The following MYH1 variants were observed in gnomAD, a reference collection of about 807,000 sequenced individuals.
MYH1 encodes myosin-1.
In MYH1, 214 loss-of-function variants were observed where a neutral mutation model predicts 225.6. That is an observed-to-expected ratio of 0.95 (90% CI 0.85 to 1.06). The LOEUF (loss-of-function observed/expected upper bound fraction) is 1.06, where lower values mean the gene tolerates loss of function less well. MYH1 is among the 50% of genes least tolerant of loss of function. MYH1 has a pLI of 0.00. For missense variants in MYH1, 2,098 were observed against 2,344.2 expected (o/e 0.89, Z 2.17); for synonymous variants, 774 against 842.3 (o/e 0.92, Z 1.40).
In MYH1 at chr17:10,501,099, GTTGA is replaced by G; in HGVS notation, c.3738+7_3738+10del. On this transcript the variant is annotated splice_region_variant and intron_variant, in intron 27 of 39. Transcript: ENST00000226207. Reference sequence around the variant, plus strand: ...AAAAACCAAATAATCAATGTGAAGTGTTGATTGTACCTTGGCTTTGGAGACAGTC... The same window carrying G: ...AAAAACCAAATAATCAATGTGAAGTGTTGTACCTTGGCTTTGGAGACAGTC... 6.2e-7 allele frequency: 1 copy of G among 1,612,432 alleles called. No homozygotes were observed. Among genetic ancestry groups the G allele is most frequent in the Non-Finnish European group, 8.5e-7 (1 of 1,178,596 alleles).
rs73974725 is a variant in MYH1 at position 10,505,924 on chromosome 17, T to C, written c.2062A>G (p.Met688Val). ...IPNETKTPGA[M>V]EHELVLHQLR... ...TGATGCAGGACAAGCTCATGCTCCA[T>C]GGCACCTAAAAGAATGAATCCACAT... The change falls in exon 19 of 40, where the codon ATG becomes GTG. Residue 688 changes from methionine (M) to valine (V), a missense_variant. Physicochemically the swap from Met to Val is conservative, Grantham distance 21. Coordinates refer to ENST00000226207, the MANE Select transcript of MYH1 (RefSeq NM_005963.4). 53,605 of 1,614,158 alleles carry C rather than the reference T, an allele frequency of 0.033. 1,004 individuals carry two copies. Among genetic ancestry groups the C allele is most frequent in the Non-Finnish European group, 0.038 (44,596 of 1,180,000 alleles).
rs141867810 is a variant in MYH1, at chr17:10,495,101, C to A, written c.5296G>T (p.Ala1766Ser). The A allele has an allele frequency of 1.9e-5, 30 of 1,614,174 alleles. No homozygotes were observed. The highest frequency in any genetic ancestry group is 1.6e-4 in the African/African-American group (12 of 75,034). Reference protein sequence around the residue: ...EEKAKKAITDAAMMAEELKKE... With the variant: ...EEKAKKAITDSAMMAEELKKE... The stretch of plus-strand genomic sequence containing the variant: ...TTCAGCTCCTCAGCCATCATGGCAG[C>A]CTAATTAGCAGTAAAACAGAATGGG... Residue 1766 changes from alanine (A) to serine (S), a missense_variant and splice_region_variant, in exon 37 of 40, where the codon GCT becomes TCT. Physicochemically the swap from Ala to Ser is moderately conservative, Grantham distance 99. Coordinates refer to ENST00000226207, the MANE Select transcript of MYH1 (RefSeq NM_005963.4).
intron 36 of MYH1, 28 bp downstream of exon 36, chr17:10,495,164 G>T: frequency 6.2e-7 from 1 of 1,614,168 alleles, no homozygotes; most frequent in Non-Finnish European, 8.5e-7. Flanking sequence ...ATTTAAGTTT[G>T]ACCACCACTG....
rs756887132 is a variant in MYH1, at chr17:10,511,921, C to T, written c.1334G>A (p.Arg445His). Residue 445 changes from arginine to histidine, a missense_variant, in exon 14 of 40, where the codon CGC becomes CAC. Coordinates refer to ENST00000226207, the MANE Select transcript of MYH1 (RefSeq NM_005963.4). The stretch of plus-strand genomic sequence containing the variant: ...CTTGGTGTCCAGCTGCTGGTTGATG[C>T]GGGTGACCATCCACAAGAACATCTT... ...YDKMFLWMVT[R>H]INQQLDTKQP... 13 of 1,614,044 alleles carry T rather than the reference C, an allele frequency of 8.1e-6. No individual in the cohort carries two copies. The highest frequency in any genetic ancestry group is 3.3e-5 in the South Asian group (3 of 91,086).
chr17:10,510,508 A>G (rs113297296), intron 14 of MYH1, among the ~76,000 whole-genome samples: 1 of 152,198 alleles, frequency 6.6e-6, no homozygotes. Flanking sequence ...TTGATGCCAG[A>G]GCCAGTGTTT....
At chr17:10,503,824 T>C (rs1374358347) in intron 22 of MYH1, among the ~76,000 whole-genome samples, 1 of 152,230 alleles carries the variant, frequency 6.6e-6, no homozygotes, top group Middle Eastern at 3.2e-3. Context: ...TATTAGTGGA[T>C]AGTTGATAGA....
In MYH1 at chr17:10,497,277, A is replaced by G. The variant is rs1841000138; in HGVS notation, c.4531+10T>C. 6.3e-7 allele frequency: 1 copy of G among 1,595,308 alleles called. No individual in the cohort carries two copies. The highest frequency in any genetic ancestry group is 1.4e-5 in the African/African-American group (1 of 73,458). On this transcript the variant is annotated intron_variant, in intron 32 of 39. Transcript: ENST00000226207. ...CTTTTATTGTTAAAGAAAAGGTAAA[A>G]TGTTCTCACGTTGCAAATTCTTATT...
Position 10,497,778 on chromosome 17 carries a change from C to A in MYH1, c.4321G>T (p.Ala1441Ser), listed in dbSNP as rs781431071. ...TTTTTGTCCAGGGCGGCACAGGCAG[C>A]ATTTGTCCTCTCAACATCAATCATG... The part of the protein sequence containing the change: ...DLMIDVERTN[A>S]ACAALDKKQR... Residue 1441 changes from alanine to serine, a missense_variant, in exon 31 of 40, where the codon GCT becomes TCT. By Grantham distance (99) the Ala-to-Ser change is moderately conservative. Coordinates refer to ENST00000226207, the MANE Select transcript of MYH1 (RefSeq NM_005963.4). 22 of 1,614,030 alleles carry A rather than the reference C, an allele frequency of 1.4e-5. No individual in the cohort carries two copies. Among genetic ancestry groups the A allele is most frequent in the African/African-American group, 2.7e-5 (2 of 74,926 alleles).
At chr17:10,493,860 A>G (rs1273632173) in intron 39 of MYH1, among the ~76,000 whole-genome samples, 1 of 152,110 alleles carries the variant, frequency 6.6e-6, no homozygotes, top group Non-Finnish European at 1.5e-5. Context: ...CCACTCTCTT[A>G]TCCAAGCCAC....
chr17:10,501,031 C>T (rs565358656), intron 27 of MYH1, 79 bp downstream of exon 27: 11 of 1,571,656 alleles, frequency 7.0e-6, no homozygotes, highest in South Asian at 3.6e-5. Flanking sequence ...GTTCATGAGA[C>T]GTTTTTGAGA....
rs1443305533 is a variant in MYH1, at chr17:10,513,986, A to G, written c.648+24T>C. 5 of 1,614,092 alleles carry G rather than the reference A, an allele frequency of 3.1e-6. No homozygotes were observed. In the Middle Eastern group the frequency reaches 4.9e-4, roughly 160 times the overall value. ...ACCTGAGAGTCCCGACAGAGCCTGG[A>G]TTCTGACTAACAATCAGACTCACCT... On this transcript the variant is annotated intron_variant, in intron 7 of 39. Coordinates refer to ENST00000226207, the MANE Select transcript of MYH1 (RefSeq NM_005963.4).
chr17:10,508,174 A>G (rs1187733253), intron 16 of MYH1, among the ~76,000 whole-genome samples, 189 bp downstream of exon 16: 5 of 151,692 alleles, frequency 3.3e-5, no homozygotes, highest in Non-Finnish European at 4.4e-5. Context: ...ACCTGCCACC[A>G]TGCCCGGCTA....
chr17:10,494,282 T>A, intron 39 of MYH1, 72 bp downstream of exon 39: 1 of 1,416,632 alleles, frequency 7.1e-7, no homozygotes, highest in Non-Finnish European at 9.8e-7. Context: ...TACTCATCTT[T>A]TCTTTTGTCA....
chr17:10,498,825 G>A lies in MYH1; in HGVS notation c.3985-3C>T, dbSNP rs148781664. The A allele has an allele frequency of 5.0e-3, 8,041 of 1,613,986 alleles. 205 individuals are homozygous for A. In the East Asian group the frequency reaches 0.051, roughly 10 times the overall value. ...GCATGTGCCAGGGCACTCTTGGCCT[G>A]AGAACATAGAGATTGATGACTTAAT... is the stretch of plus-strand genomic sequence containing the variant. On this transcript the variant is annotated splice_region_variant and splice_polypyrimidine_tract_variant and intron_variant, in intron 29 of 39. Transcript: ENST00000226207.
At chr17:10,493,361 A>G (rs1242149009) in intron 39 of MYH1, among the ~76,000 whole-genome samples, 1 of 152,126 alleles carries the variant, frequency 6.6e-6, no homozygotes, top group Non-Finnish European at 1.5e-5. Flanking sequence ...CTCCATTCCC[A>G]TCTTTCTCTC....
chr17:10,494,724 C>T, intron 37 of MYH1, 51 bp from the exon 38 acceptor site: 2 of 1,607,622 alleles, frequency 1.2e-6, no homozygotes, highest in Non-Finnish European at 1.7e-6. Flanking sequence ...ATTTCTACTT[C>T]TTCACATGAC....
Position 10,505,224 on chromosome 17 carries a change from T to G in MYH1, c.2374A>C (p.Thr792Pro). The change falls in exon 21 of 40, where the codon ACC (threonine) becomes CCC (proline). Residue 792 changes from threonine to proline, a missense_variant. By Grantham distance (38) the Thr-to-Pro change is conservative. Coordinates refer to ENST00000226207, the MANE Select transcript of MYH1 (RefSeq NM_005963.4). ...DEKLAQLITR[T>P]QAMCRGFLAR... ...AAGAACCCTCTGCACATGGCCTGGG[T>G]TCGGGTAATCAGCTGGGCCAGCTTC... 6.2e-7 allele frequency: 1 copy of G among 1,614,202 alleles called. No homozygotes were observed. The highest frequency in any genetic ancestry group is 8.5e-7 in the Non-Finnish European group (1 of 1,180,024).
Position 10,512,079 on chromosome 17 carries a change from GCA to G in MYH1, c.1259_1260del (p.Val420AlafsTer17). 1 of 1,614,064 alleles carries G rather than the reference GCA, an allele frequency of 6.2e-7. No homozygotes were observed. The highest frequency in any genetic ancestry group is 8.5e-7 in the Non-Finnish European group (1 of 1,179,942). On this transcript the variant is annotated frameshift_variant, in exon 13 of 40. Coordinates refer to ENST00000226207, the MANE Select transcript of MYH1 (RefSeq NM_005963.4). LOFTEE classifies it high-confidence loss of function. ...CATTGAGGTCATGCACTTACCTGCTGCACAGTTTGACCTTTGGTGACATACTC... is the reference window on the plus strand; with the variant it reads ...CATTGAGGTCATGCACTTACCTGCTGCAGTTTGACCTTTGGTGACATACTC... ...GNEYVTKGQT[V>X]QQVYNAVGAL...
chr17:10,516,041 C>T lies in MYH1; in HGVS notation c.390G>A (p.Lys130=), dbSNP rs771439035. 138 of 1,614,092 alleles carry T rather than the reference C, an allele frequency of 8.5e-5. No individual in the cohort carries two copies. The highest frequency in any genetic ancestry group is 1.1e-4 in the Non-Finnish European group (127 of 1,180,052). Residue 130 remains lysine (K), a synonymous_variant, in exon 5 of 40, where the codon AAG becomes AAA. Coordinates refer to ENST00000226207, the MANE Select transcript of MYH1 (RefSeq NM_005963.4). ...CCTCTGCATTATACACTGGCAACCA[C>T]TTGTAGGGGTTGACAGTGACACAGA... ...GLFCVTVNPY[K]WLPVYNAEVV...
Sources: gnomAD v4.1 joint callset for allele counts (sites outside exome capture counted in the v4.1 genomes callset) on GRCh38, gnomAD v4.1.1 for gene constraint, MANE v1.5 for transcripts, NCBI Gene and HGNC (gene_info 2026-07-23, HGNC 2026-07-21) for gene names.